The following RPS29 variants were observed in gnomAD, a reference collection of about 807,000 sequenced individuals.
RPS29 encodes small ribosomal subunit protein uS14.
For missense variants in RPS29, 60 were observed against 75.7 expected (o/e 0.79, Z 0.77); for synonymous variants, 37 against 26.9 (o/e 1.37, Z -1.16).
chr14:49,586,193 C>T lies in RPS29; in HGVS notation c.62+92G>A, dbSNP rs916319973. The T allele has an allele frequency of 3.7e-5, 53 of 1,444,566 alleles. No individual in the cohort carries two copies. In the South Asian group the frequency reaches 5.2e-4, roughly 14 times the overall value. The allele number at this position is 1,444,566 out of a possible 1,614,324, so 89.5% of individuals were successfully genotyped here. On this transcript the variant is annotated intron_variant, in intron 1 of 2. Transcript: ENST00000245458. ...CCAGCGACTCCCAGTCGGCGTGCTC[C>T]CTCGTGCCGCCCGTGGCCTCCTCTA...
At chr14:49,594,855 T>C (rs1349103439) in intron 1 of RPS29, among the ~76,000 whole-genome samples, 1 of 152,216 alleles carries the variant, frequency 6.6e-6, no homozygotes, top group Non-Finnish European at 1.5e-5. Context: ...AGTAACAGCA[T>C]CTCCACCAAT....
chr14:49,593,305 A>G (rs776677062), intron 1 of RPS29, among the ~76,000 whole-genome samples: 2 of 152,254 alleles, frequency 1.3e-5, no homozygotes, highest in Non-Finnish European at 2.9e-5. Flanking sequence ...GCCAGGAAGC[A>G]TATCATCTAG....
chr14:49,598,306 A>G, intron 1 of RPS29: 1 of 607,604 alleles, frequency 1.6e-6, no homozygotes, highest in Non-Finnish European at 2.9e-6. Context: ...AGTTCAATCA[A>G]TCAAGAAAAT....
At chr14:49,597,005 C>G (rs2139524560) in intron 1 of RPS29, among the ~76,000 whole-genome samples, 1 of 151,106 alleles carries the variant, frequency 6.6e-6, no homozygotes, top group South Asian at 2.1e-4. Context: ...ACCTCCGTCT[C>G]CCAGGTTCAA....
exon 3 of RPS29, chr14:49,575,125 C>T (rs1346882908): frequency 6.6e-6 from 1 of 152,374 alleles, no homozygotes; most frequent in African/African-American, 2.4e-5. Context: ...ACTGCAAGCT[C>T]CGCCTCCCGG....
Position 49,586,270 on chromosome 14 carries a change from C to T in RPS29, c.62+15G>A. 6.2e-7 allele frequency: 1 copy of T among 1,613,250 alleles called. No homozygotes were observed. Among genetic ancestry groups the T allele is most frequent in the Non-Finnish European group, 8.5e-7 (1 of 1,179,216 alleles). ...CCACGGCAACGCTTCCCCAAAATCA[C>T]AAACTATTTCTCACCAAGAGCGAGA... On this transcript the variant is annotated intron_variant, in intron 1 of 2. Coordinates refer to ENST00000245458, the MANE Select transcript of RPS29 (RefSeq NM_001032.5).
At chr14:49,586,604 T>C, upstream of RPS29, 2 of 506,260 alleles carry the variant, frequency 4.0e-6, no homozygotes, top group Non-Finnish European at 7.2e-6. Context: ...CGCGTGCCTG[T>C]AGTCCCAGCT....
At chr14:49,586,104 C>G in intron 1 of RPS29, 55 bp from the exon 2 acceptor site, 3 of 1,508,794 alleles carry the variant, frequency 2.0e-6, no homozygotes, top group Non-Finnish European at 2.8e-6. Context: ...AGACTCCGCA[C>G]TCAGACGGCT....
upstream of RPS29, among the ~76,000 whole-genome samples, chr14:49,588,405 T>A (rs1391442072): frequency 1.3e-5 from 2 of 152,260 alleles, no homozygotes; most frequent in African/African-American, 2.4e-5. Context: ...AGTTTTAAGA[T>A]AATGTGACAC....
intron 1 of RPS29, among the ~76,000 whole-genome samples, chr14:49,592,590 C>T (rs1881738254): frequency 6.7e-6 from 1 of 148,724 alleles, no homozygotes; most frequent in Non-Finnish European, 1.5e-5. Context: ...TGGTCTTGAA[C>T]CCCCGCCGGC....
At chr14:49,590,981 C>T (rs1028646485), upstream of RPS29, among the ~76,000 whole-genome samples, 10 of 151,942 alleles carry the variant, frequency 6.6e-5, no homozygotes, top group African/African-American at 1.2e-4. Context: ...TCAGCCACCA[C>T]GCCCAACCAG....
At position 49,586,334 on chromosome 14, in the gene RPS29, G is replaced by T. The variant is rs1881553783; in HGVS notation, c.13C>A (p.Gln5Lys). The change falls in exon 1 of 3, where the codon CAG (glutamine) becomes AAG (lysine). Residue 5 changes from glutamine to lysine, a missense_variant. Transcript: ENST00000245458. MGHQ[Q>K]LYWSHPRKFG... ...TTTCGCGGGTGGCTCCAGTACAGCTGCTGGTGACCCATCTTGCTCTCAGCA... is the reference window on the plus strand; with the variant it reads ...TTTCGCGGGTGGCTCCAGTACAGCTTCTGGTGACCCATCTTGCTCTCAGCA... The T allele has an allele frequency of 6.2e-7, 1 of 1,613,788 alleles. No homozygotes were observed. The highest frequency in any genetic ancestry group is 8.5e-7 in the Non-Finnish European group (1 of 1,179,780).
At chr14:49,594,930 C>G (rs1270091873) in intron 1 of RPS29, among the ~76,000 whole-genome samples, 1 of 152,188 alleles carries the variant, frequency 6.6e-6, no homozygotes, top group East Asian at 1.9e-4. Flanking sequence ...GAACAGAACT[C>G]TTGCTTCTGT....
chr14:49,583,736 C>CA (rs879218066), intron 2 of RPS29, 61 bp from the exon 3 acceptor site: 138 of 1,043,126 alleles, frequency 1.3e-4, no homozygotes, highest in East Asian at 2.2e-4. Flanking sequence ...TTGATTCTCA[C>CA]AAAAAAAAGG....
chr14:49,577,587 G>T, exon 3 of RPS29: 1 of 666,618 alleles, frequency 1.5e-6, no homozygotes, highest in Admixed American at 2.2e-5. Context: ...AGAAGCCACT[G>T]GGCAGTATGT....
upstream of RPS29, among the ~76,000 whole-genome samples, chr14:49,590,171 A>G (rs1024885775): frequency 1.3e-5 from 2 of 152,114 alleles, no homozygotes; most frequent in African/African-American, 4.8e-5. Flanking sequence ...TTTCCTTGAA[A>G]CTAAAAGTTT....
intron 2 of RPS29, chr14:49,577,857 T>C (rs1218814129): frequency 1.3e-6 from 2 of 1,583,882 alleles, no homozygotes; most frequent in East Asian, 4.6e-5. Context: ...GGTCTTTCTG[T>C]AATGGTAAAA....
intron 1 of RPS29, 108 bp downstream of exon 1, chr14:49,586,177 C>G: frequency 3.6e-6 from 5 of 1,404,342 alleles, no homozygotes; most frequent in Non-Finnish European, 5.1e-6. Flanking sequence ...ACCAGCGACT[C>G]CCAGTCGGCG....
chr14:49,598,511 A>G, exon 1 of RPS29: 2 of 702,416 alleles, frequency 2.8e-6, no homozygotes, highest in Non-Finnish European at 5.2e-6. Flanking sequence ...CAAAACCACC[A>G]GCAGCCCGTC....
Sources: gnomAD v4.1 joint callset for allele counts (sites outside exome capture counted in the v4.1 genomes callset) on GRCh38, gnomAD v4.1.1 for gene constraint, MANE v1.5 for transcripts, NCBI Gene and HGNC (gene_info 2026-07-23, HGNC 2026-07-21) for gene names.